SMAD4: variants seen among roughly 807,000 people sequenced by gnomAD.
The protein encoded by SMAD4 is MAD homolog 4.
SMAD4 carries 7 observed loss-of-function variants against 63.2 expected under a neutral mutation model. The observed-to-expected ratio is 0.11, with a 90% confidence interval of 0.06 to 0.21. The LOEUF is 0.21. SMAD4 is among the 10% of genes least tolerant of loss of function. SMAD4 has a pLI of 1.00. For synonymous variants in SMAD4, 215 were observed against 235.4 expected, an observed-to-expected ratio of 0.91 and a Z score of 0.79; for missense variants, 312 against 693.8, an observed-to-expected ratio of 0.45 and a Z score of 6.18.
At chr18:51,036,655 C>T (rs940164537) in intron 1 of SMAD4, among the ~76,000 whole-genome samples, 1 of 152,190 alleles carries the variant, frequency 6.6e-6, no homozygotes, top group African/African-American at 2.4e-5. Context: ...TGCATATACT[C>T]ATGATACTTA....
chr18:51,065,649 A>G (rs768414034), intron 9 of SMAD4, 43 bp downstream of exon 9: 3 of 1,504,128 alleles, frequency 2.0e-6, no homozygotes, highest in Non-Finnish European at 1.8e-6. Flanking sequence ...AAAATTGAGC[A>G]TAGTACATTG....
chr18:51,071,243 T>A (rs969079864), intron 10 of SMAD4, among the ~76,000 whole-genome samples: 1 of 151,868 alleles, frequency 6.6e-6, no homozygotes, highest in African/African-American at 2.4e-5. Flanking sequence ...ACACTTTGAG[T>A]ACACAAATGT....
At chr18:51,050,658 C>CA (rs796225213) in intron 4 of SMAD4, among the ~76,000 whole-genome samples, 2,879 of 84,574 alleles carry the variant, frequency 0.034, 40 homozygotes, top group African/African-American at 0.064. Flanking sequence ...GACTCTGTCT[C>CA]AAAAAAAAAA....
At chr18:51,033,953 C>T (rs966465422) in intron 1 of SMAD4, among the ~76,000 whole-genome samples, 2 of 152,090 alleles carry the variant, frequency 1.3e-5, no homozygotes, top group African/African-American at 4.8e-5. Context: ...TGATGAGTTG[C>T]TACTGCAAAT....
intron 10 of SMAD4, among the ~76,000 whole-genome samples, chr18:51,073,631 A>G (rs997477768): frequency 4.0e-5 from 6 of 151,816 alleles, no homozygotes; most frequent in African/African-American, 1.5e-4. Flanking sequence ...CCTGGGTTTA[A>G]GGGATTCTCC....
chr18:51,040,305 T>A (rs1440621946), intron 1 of SMAD4, among the ~76,000 whole-genome samples: 5 of 151,676 alleles, frequency 3.3e-5, no homozygotes, highest in African/African-American at 1.2e-4. Flanking sequence ...GCCCCTGTAG[T>A]CCCAGCTACT....
At chr18:51,064,152 T>G (rs1910089781) in intron 8 of SMAD4, among the ~76,000 whole-genome samples, 1 of 152,338 alleles carries the variant, frequency 6.6e-6, no homozygotes, top group South Asian at 2.1e-4. Context: ...AAATTCTAGT[T>G]TAAAGTTCAT....
chr18:51,048,149 ATATT>A (rs1909601657), intron 2 of SMAD4, among the ~76,000 whole-genome samples: 1 of 152,060 alleles, frequency 6.6e-6, no homozygotes, highest in Non-Finnish European at 1.5e-5. Context: ...GTCTTTTTGC[ATATT>A]TATTTATTTT....
chr18:51,064,907 A>T (rs1472907809), intron 8 of SMAD4, among the ~76,000 whole-genome samples: 1 of 152,188 alleles, frequency 6.6e-6, no homozygotes, highest in African/African-American at 2.4e-5. Flanking sequence ...ACTTTCTCTC[A>T]ATTAGGGAAT....
At chr18:51,039,036 G>C (rs1909294133) in intron 1 of SMAD4, among the ~76,000 whole-genome samples, 1 of 152,126 alleles carries the variant, frequency 6.6e-6, no homozygotes, top group African/African-American at 2.4e-5. Context: ...GAACCTGGGA[G>C]GCGGAGGTTG....
chr18:51,074,119 A>G (rs1910408868), intron 10 of SMAD4, among the ~76,000 whole-genome samples: 2 of 151,918 alleles, frequency 1.3e-5, no homozygotes, highest in African/African-American at 2.4e-5. Context: ...GACTCCTATA[A>G]TCCCAGCACT....
At chr18:51,051,129 A>G (rs1002852057) in intron 4 of SMAD4, 2 of 195,518 alleles carry the variant, frequency 1.0e-5, no homozygotes, top group African/African-American at 4.7e-5. Context: ...GGGAGACTGC[A>G]ATGATAAGTG....
In SMAD4 at chr18:51,030,622, A is replaced by C. The variant is rs1320811242; in HGVS notation, c.-129A>C. The C allele has an allele frequency of 6.7e-6, 1 of 149,468 alleles. No homozygotes were observed. The allele number at this position is 149,468 out of a possible 1,614,324, so 9.3% of individuals were successfully genotyped here. On this transcript the variant is annotated splice_region_variant and 5_prime_UTR_variant, in exon 1 of 12. Transcript: ENST00000342988. ...ACTCCCCTCGCCACCGCCCGAGCCC[A>C]GGTAACCGCGCCATGTCCCCTCCCC...
chr18:51,031,115 C>CT (rs960188019), intron 1 of SMAD4, among the ~76,000 whole-genome samples: 2 of 152,178 alleles, frequency 1.3e-5, no homozygotes, highest in African/African-American at 4.8e-5. Flanking sequence ...GATATGTTTA[C>CT]TTTTTGAGTA....
rs755756863 is a variant in SMAD4 at position 51,046,946 on chromosome 18, T to C, written c.-101T>C. 2 of 1,062,674 alleles carry C rather than the reference T, an allele frequency of 1.9e-6. No individual in the cohort carries two copies. Among genetic ancestry groups the C allele is most frequent in the Non-Finnish European group, 1.4e-6 (1 of 698,702 alleles). 65.8% of individuals were successfully genotyped at this position (1,062,674 alleles called of 1,614,324 possible). Reference sequence around the variant, plus strand: ...TTATCCTGAATACATGTCTAACAATTTTCCTTGCAACGTTAGCTGTTGTTT... The same window carrying C: ...TTATCCTGAATACATGTCTAACAATCTTCCTTGCAACGTTAGCTGTTGTTT... On this transcript the variant is annotated 5_prime_UTR_variant, in exon 2 of 12. Coordinates refer to ENST00000342988, the MANE Select transcript of SMAD4 (RefSeq NM_005359.6).
chr18:51,062,402 T>C (rs1278186035), intron 8 of SMAD4, among the ~76,000 whole-genome samples: 1 of 152,196 alleles, frequency 6.6e-6, no homozygotes, highest in African/African-American at 2.4e-5. Context: ...CCCATGAATT[T>C]TGTCTCTGTC....
intron 3 of SMAD4, 65 bp from the exon 4 acceptor site, chr18:51,049,230 T>C: frequency 8.1e-7 from 1 of 1,237,488 alleles, no homozygotes; most frequent in South Asian, 1.2e-5. Flanking sequence ...TCTCTGTTTT[T>C]AAATGGAAAA....
chr18:51,043,516 T>G (rs1909449771), intron 1 of SMAD4, among the ~76,000 whole-genome samples: 1 of 152,218 alleles, frequency 6.6e-6, no homozygotes, highest in Non-Finnish European at 1.5e-5. Context: ...TCTAGAACCA[T>G]TTAATGTAGG....
chr18:51,049,685 T>G (rs1909651083), intron 4 of SMAD4: 1 of 232,330 alleles, frequency 4.3e-6, no homozygotes. Flanking sequence ...GAATATTTGG[T>G]AATTTGGAAT....
Sources: allele counts gnomAD v4.1 joint callset (sites outside exome capture counted in the v4.1 genomes callset), GRCh38; gene constraint gnomAD v4.1.1; transcripts MANE v1.5; gene names NCBI Gene and HGNC (gene_info 2026-07-23, HGNC 2026-07-21).